Variants in CCDC63 observed in about 807,000 individuals in gnomAD.
CCDC63 encodes coiled-coil domain-containing protein 63.
A neutral mutation model predicts 63.6 loss-of-function variants in CCDC63; 54 were observed. The ratio of observed to expected loss-of-function variants is 0.85; its 90% CI spans 0.68 to 1.07. The LOEUF (loss-of-function observed/expected upper bound fraction) is 1.07, where lower values mean the gene tolerates loss of function less well. CCDC63 is among the 50% of genes least tolerant of loss of function. The pLI is 0.00. For missense variants in CCDC63, 637 were observed against 689.6 expected, an observed-to-expected ratio of 0.92 and a Z score of 0.86; for synonymous variants, 253 against 266.1, an observed-to-expected ratio of 0.95 and a Z score of 0.48.
At chr12:110,847,382 C>A (rs974277126) in intron 1 of CCDC63, among the ~76,000 whole-genome samples, 11 of 151,836 alleles carry the variant, frequency 7.2e-5, no homozygotes, top group African/African-American at 2.7e-4. Context: ...CGGGCAAATT[C>A]GTCTTTACAA....
intron 4 of CCDC63, 57 bp from the exon 5 acceptor site, chr12:110,873,785 C>T (rs1171683185): frequency 3.8e-6 from 6 of 1,592,238 alleles, no homozygotes; most frequent in East Asian, 2.3e-5. Context: ...AACTGTAGAA[C>T]GGGTACCCAT....
At chr12:110,858,873 G>A in intron 4 of CCDC63, 98 bp downstream of exon 4, 1 of 953,384 alleles carries the variant, frequency 1.0e-6, no homozygotes, top group Non-Finnish European at 1.6e-6. Flanking sequence ...TGACACCCCT[G>A]TATCACAGTA....
At chr12:110,868,027 G>A (rs1324636724) in intron 4 of CCDC63, among the ~76,000 whole-genome samples, 1 of 147,354 alleles carries the variant, frequency 6.8e-6, no homozygotes, top group Admixed American at 6.7e-5. Context: ...GGGCGGCCGG[G>A]CAGAGACGCT....
intron 4 of CCDC63, among the ~76,000 whole-genome samples, chr12:110,860,334 C>A (rs1396352598): frequency 1.3e-5 from 2 of 152,304 alleles, no homozygotes; most frequent in Non-Finnish European, 2.9e-5. Flanking sequence ...ACAGTACCCC[C>A]TTCATAGCTC....
In CCDC63 at chr12:110,904,617, C is replaced by A; in HGVS notation, c.1372C>A (p.Leu458Met). The A allele has an allele frequency of 6.2e-7, 1 of 1,614,094 alleles. No individual in the cohort carries two copies. Among genetic ancestry groups the A allele is most frequent in the South Asian group, 1.1e-5 (1 of 91,084 alleles). ...CATTGAAAAGAAGACCAACGACCTG[C>A]TGCTGTTGGAGACCTACAGGCGCAT... ...AIIEKKTNDL[L>M]LLETYRRILE... Residue 458 changes from leucine to methionine, a missense_variant, in exon 11 of 12, where the codon CTG (leucine) becomes ATG (methionine). Transcript: ENST00000308208.
Position 110,880,106 on chromosome 12 carries a change from CA to C in CCDC63, c.671+20del, listed in dbSNP as rs1438647319. The C allele has an allele frequency of 2.5e-6, 4 of 1,609,712 alleles. No homozygotes were observed. Among genetic ancestry groups the C allele is most frequent in the South Asian group, 2.2e-5 (2 of 90,872 alleles). ...AGCAGAGGTGGGCTGGGGATAGGTCCAGGGGCAGCGAGGTCTCTTAGCCCCT... is the reference window on the plus strand; with the variant it reads ...AGCAGAGGTGGGCTGGGGATAGGTCCGGGGCAGCGAGGTCTCTTAGCCCCT... On this transcript the variant is annotated intron_variant, in intron 6 of 11. Transcript: ENST00000308208.
At chr12:110,875,548 T>C (rs2071119565) in intron 5 of CCDC63, among the ~76,000 whole-genome samples, 1 of 152,202 alleles carries the variant, frequency 6.6e-6, no homozygotes, top group African/African-American at 2.4e-5. Context: ...TTTTTTGTTC[T>C]AAGTCTATTC....
chr12:110,866,055 G>A (rs1433260102), intron 4 of CCDC63, among the ~76,000 whole-genome samples: 1 of 152,092 alleles, frequency 6.6e-6, no homozygotes, highest in East Asian at 1.9e-4. Context: ...TCAGCTTATT[G>A]CAACCTCTGC....
At chr12:110,902,000 T>C (rs150051619) in intron 10 of CCDC63, among the ~76,000 whole-genome samples, 1,831 of 152,126 alleles carry the variant, frequency 0.012, 15 homozygotes, top group Admixed American at 0.021. Flanking sequence ...CTGGCTAATT[T>C]TTGTATGTTT....
chr12:110,849,392 A>G (rs1409088554), intron 1 of CCDC63, among the ~76,000 whole-genome samples: 1 of 151,152 alleles, frequency 6.6e-6, no homozygotes, highest in Non-Finnish European at 1.5e-5. Context: ...TGACGGTGAT[A>G]TTTCTCTTCA....
intron 7 of CCDC63, 45 bp downstream of exon 7, chr12:110,881,341 T>TGCCTTCTGTCTCTCTTTCTC (rs1384134770): frequency 8.9e-6 from 14 of 1,567,036 alleles, no homozygotes; most frequent in African/African-American, 1.4e-5. Context: ...CTCTCTTTCT[T>TGCCTTCTGTCTCTCTTTCTC]GCCTTCTTTC....
At chr12:110,874,035 C>A in intron 5 of CCDC63, 74 bp downstream of exon 5, 1 of 1,530,658 alleles carries the variant, frequency 6.5e-7, no homozygotes, top group South Asian at 1.3e-5. Context: ...GATGTCTGCC[C>A]AGCCATTAGC....
intron 9 of CCDC63, among the ~76,000 whole-genome samples, chr12:110,897,072 G>A (rs1376577078): frequency 1.3e-5 from 2 of 152,122 alleles, no homozygotes; most frequent in Non-Finnish European, 2.9e-5. Flanking sequence ...TTATTGGATG[G>A]TAGCCAACAT....
At chr12:110,903,940 T>A (rs918346882) in intron 10 of CCDC63, among the ~76,000 whole-genome samples, 1 of 152,186 alleles carries the variant, frequency 6.6e-6, no homozygotes, top group Non-Finnish European at 1.5e-5. Context: ...TTCGTCATCA[T>A]CCTGCTAAGG....
chr12:110,899,266 A>G (rs1460468093), intron 10 of CCDC63, 141 bp downstream of exon 10: 14 of 701,608 alleles, frequency 2.0e-5, no homozygotes, highest in Non-Finnish European at 2.1e-5. Flanking sequence ...CTGGGTTTGA[A>G]TCCTGGGTCT....
rs930454077 is a variant in CCDC63, at chr12:110,907,099, G to T, written c.1547-232G>T. Among the ~76,000 whole-genome samples the T allele has an allele frequency of 2.6e-5, 4 of 152,186 alleles. No individual in the cohort carries two copies. The highest frequency in any genetic ancestry group is 7.2e-5 in the African/African-American group (3 of 41,430). On this transcript the variant is annotated intron_variant, in intron 11 of 11. Coordinates refer to ENST00000308208, the MANE Select transcript of CCDC63 (RefSeq NM_152591.3). The surrounding 1 kb of genome is among the most constrained non-coding windows in gnomAD (Gnocchi z 4.4). ...ACATCCTGAACAACTGCACATGGTG[G>T]CCCTAACTCCTTAACATTAAACCAG...
rs749568398 is a variant in CCDC63, at chr12:110,853,436, C to T, written c.41C>T (p.Thr14Ile). The T allele has an allele frequency of 4.3e-6, 7 of 1,612,934 alleles. No homozygotes were observed. The highest frequency in any genetic ancestry group is 1.3e-5 in the African/African-American group (1 of 74,928). Reference protein sequence around the residue: ...LKKNRRKDSDTPQEPSEKAKE... With the variant: ...LKKNRRKDSDIPQEPSEKAKE... ...AAGAACAGGAGAAAAGACTCCGACA[C>T]TCCCCAGGAACCTTCGGAGAAGGCC... Residue 14 changes from threonine to isoleucine, a missense_variant, in exon 3 of 12, where the codon ACT (threonine) becomes ATT (isoleucine). Transcript: ENST00000308208.
At chr12:110,884,400 A>T in intron 8 of CCDC63, 150 bp downstream of exon 8, 2 of 646,342 alleles carry the variant, frequency 3.1e-6, no homozygotes, top group East Asian at 2.8e-5. Flanking sequence ...TGTTTGAGAC[A>T]GGATCTTACT....
intron 9 of CCDC63, among the ~76,000 whole-genome samples, chr12:110,896,799 C>T (rs1205838668): frequency 6.6e-6 from 1 of 152,146 alleles, no homozygotes; most frequent in East Asian, 1.9e-4. Context: ...CAGGTGATAC[C>T]AGTGTGAAGC....
Sources: allele counts gnomAD v4.1 joint callset (sites outside exome capture counted in the v4.1 genomes callset), GRCh38; gene constraint gnomAD v4.1.1; non-coding constraint Gnocchi (gnomAD v3.1); transcripts MANE v1.5; gene names NCBI Gene and HGNC (gene_info 2026-07-23, HGNC 2026-07-21).